Variants in RUNX1 observed in about 807,000 individuals in gnomAD.
The protein encoded by RUNX1 is runt-related transcription factor 1.
RUNX1 carries 19 observed loss-of-function variants against 42.8 expected under a neutral mutation model. The observed-to-expected ratio is 0.44, with a 90% confidence interval of 0.31 to 0.65. The LOEUF (loss-of-function observed/expected upper bound fraction) is 0.65. Among genes scored for constraint, RUNX1 ranks in the 30% least tolerant of loss-of-function variants. RUNX1 has a pLI of 0.07. For synonymous variants in RUNX1, 271 were observed against 289.4 expected (o/e 0.94, Z 0.64); for missense variants, 528 against 672.0 (o/e 0.79, Z 2.37).
intron 6 of RUNX1, among the ~76,000 whole-genome samples, chr21:34,858,869 TA>T (rs1371903730): frequency 2.3e-4 from 35 of 152,336 alleles, no homozygotes; most frequent in African/African-American, 8.2e-4. Context: ...CTCATTTTTT[TA>T]AAAGCTTCCC....
chr21:34,840,598 T>C (rs2057219629), intron 6 of RUNX1, among the ~76,000 whole-genome samples: 1 of 114,746 alleles, frequency 8.7e-6, no homozygotes, highest in Admixed American at 1.0e-4. Flanking sequence ...GTTTTCCCTT[T>C]TGTCTTTTTT....
chr21:34,817,282 T>C (rs1004215452), intron 7 of RUNX1, among the ~76,000 whole-genome samples: 2 of 152,166 alleles, frequency 1.3e-5, no homozygotes, highest in South Asian at 4.1e-4. Flanking sequence ...TCCTTTTGTT[T>C]CTCTGGGATT....
At position 34,792,509 on chromosome 21, in the gene RUNX1, G is replaced by A. The variant is rs375989348; in HGVS notation, c.1069C>T (p.Pro357Ser). 6.2e-7 allele frequency: 1 copy of A among 1,601,994 alleles called. No homozygotes were observed. The highest frequency in any genetic ancestry group is 8.5e-7 in the Non-Finnish European group (1 of 1,174,440). The change falls in exon 9 of 9, where the codon CCG becomes TCG. Residue 357 changes from proline to serine, a missense_variant. By Grantham distance (74) the Pro-to-Ser change is moderately conservative. Around this residue, in one of 3 missense-constraint regions of RUNX1, gnomAD observed 331 missense variants for 382.5 expected, o/e 0.87. Transcript: ENST00000675419. This position sits in a 1 kb window ranked among gnomAD's most constrained non-coding sequence, Gnocchi z 6.9. ...CCGATGCCCGAGGTGACCGGCGTCG[G>A]GGAGTAGGTGAAGGCGCCTGGATAG... ...MHYPGAFTYS[P>S]TPVTSGIGIG...
chr21:35,034,715 T>C (rs1043006949), intron 2 of RUNX1, among the ~76,000 whole-genome samples: 30 of 152,154 alleles, frequency 2.0e-4, no homozygotes, highest in African/African-American at 7.2e-4. Flanking sequence ...AATGATTCGG[T>C]TGCAAATGTC....
intron 2 of RUNX1, among the ~76,000 whole-genome samples, chr21:34,992,683 A>AG (rs2058953945): frequency 6.6e-6 from 1 of 151,662 alleles, no homozygotes; most frequent in African/African-American, 2.4e-5. Context: ...ATAAAAAAAA[A>AG]AAAAAGAAAA....
intron 2 of RUNX1, among the ~76,000 whole-genome samples, chr21:34,994,087 C>G (rs757314250): frequency 4.6e-5 from 7 of 152,288 alleles, no homozygotes; most frequent in Middle Eastern, 6.8e-3. Context: ...GGTCAGCCCC[C>G]TCTTAGTGAA....
At chr21:34,819,432 T>C (rs779893939) in intron 7 of RUNX1, among the ~76,000 whole-genome samples, 3 of 152,140 alleles carry the variant, frequency 2.0e-5, no homozygotes, top group Non-Finnish European at 4.4e-5. Context: ...ATAAGTTTCA[T>C]TGAGGAGGGA....
chr21:34,847,530 C>A (rs911864377), intron 6 of RUNX1, among the ~76,000 whole-genome samples: 8 of 151,930 alleles, frequency 5.3e-5, no homozygotes, highest in Admixed American at 5.2e-4. Flanking sequence ...ATCTAATTGA[C>A]AGACTACTTA....
chr21:35,013,903 AG>A (rs1268896840), intron 2 of RUNX1, among the ~76,000 whole-genome samples: 1 of 152,254 alleles, frequency 6.6e-6, no homozygotes, highest in Non-Finnish European at 1.5e-5. Flanking sequence ...GTGATATTTT[AG>A]AAGAATTTTT....
intron 2 of RUNX1, 81 bp downstream of exon 2, chr21:35,048,761 G>T: frequency 1.7e-6 from 2 of 1,191,964 alleles, no homozygotes; most frequent in Non-Finnish European, 2.5e-6. Flanking sequence ...AGGCATCTCT[G>T]CACCGAGGTG....
intron 6 of RUNX1, among the ~76,000 whole-genome samples, chr21:34,853,539 G>A (rs558225701): frequency 1.2e-4 from 19 of 152,252 alleles, no homozygotes; most frequent in Admixed American, 3.9e-4. Flanking sequence ...TACTAGTTGC[G>A]TGACTTTGGG....
At chr21:34,794,797 G>A (rs1436858720) in intron 8 of RUNX1, among the ~76,000 whole-genome samples, 1 of 152,204 alleles carries the variant, frequency 6.6e-6, no homozygotes, top group Non-Finnish European at 1.5e-5. Flanking sequence ...CTGGGGTGGA[G>A]GGGGCTGTCT....
chr21:34,809,244 C>G lies in RUNX1; in HGVS notation c.806-9782G>C, dbSNP rs571781782. 3.8e-4 allele frequency among the ~76,000 whole-genome samples: 58 copies of G among 152,136 alleles called. 1 individual carries two copies. The highest frequency in any genetic ancestry group is 1.4e-3 in the African/African-American group (58 of 41,498). ...TTTCCTTCCACTCCTCCATGTCCTTCTTCTCCAGGAGGGTAAAGACAACTT... is the reference window on the plus strand; with the variant it reads ...TTTCCTTCCACTCCTCCATGTCCTTGTTCTCCAGGAGGGTAAAGACAACTT... On this transcript the variant is annotated intron_variant, in intron 7 of 8. Transcript: ENST00000675419.
rs2056409885 is a variant in RUNX1, at chr21:34,789,540, TAA to T, written c.*2593_*2594del. 1 of 233,484 alleles carries T rather than the reference TAA, an allele frequency of 4.3e-6. No homozygotes were observed. The highest frequency in any genetic ancestry group is 2.2e-5 in the African/African-American group (1 of 45,280). 14.5% of individuals were successfully genotyped at this position (233,484 alleles called of 1,614,324 possible). On this transcript the variant is annotated 3_prime_UTR_variant, in exon 9 of 9. Transcript: ENST00000675419. ...CCTTAACTTTCCTGAGGGCAATGAATAAAAAGATACCTTAATCTACCTGAAGT... is the reference window on the plus strand; with the variant it reads ...CCTTAACTTTCCTGAGGGCAATGAATAAAGATACCTTAATCTACCTGAAGT...
intron 6 of RUNX1, among the ~76,000 whole-genome samples, chr21:34,835,204 C>T (rs575400963): frequency 4.3e-4 from 66 of 152,246 alleles, no homozygotes; most frequent in African/African-American, 1.5e-3. Context: ...CTCTCCCTCT[C>T]CCTCTCCTCA....
intron 2 of RUNX1, among the ~76,000 whole-genome samples, chr21:34,976,623 G>T (rs1321226054): frequency 1.3e-5 from 2 of 152,172 alleles, no homozygotes; most frequent in Non-Finnish European, 2.9e-5. Flanking sequence ...GTCACAGAAG[G>T]GAGGACGGAT....
Position 34,925,751 on chromosome 21 carries a change from C to T in RUNX1, c.59-32788G>A, listed in dbSNP as rs569087083. Among the ~76,000 whole-genome samples the T allele has an allele frequency of 1.3e-4, 20 of 152,194 alleles. No homozygotes were observed. In the South Asian group the frequency reaches 3.9e-3, roughly 30 times the overall value. ...AATACAGCTAATTATATTGTAAGAT[C>T]CTTAGAGGTAGAAAAATGATGAAAT... On this transcript the variant is annotated intron_variant, in intron 2 of 8. Coordinates refer to ENST00000675419, the MANE Select transcript of RUNX1 (RefSeq NM_001754.5).
At chr21:34,974,642 G>A (rs772014658) in intron 2 of RUNX1, among the ~76,000 whole-genome samples, 8 of 151,628 alleles carry the variant, frequency 5.3e-5, no homozygotes, top group Non-Finnish European at 8.8e-5. Flanking sequence ...CACCAGCTTT[G>A]TGATGCCAAC....
chr21:34,822,132 G>C (rs1213633616), intron 7 of RUNX1, among the ~76,000 whole-genome samples: 20 of 152,208 alleles, frequency 1.3e-4, no homozygotes, highest in Non-Finnish European at 2.5e-4. Flanking sequence ...GCAGTATCCA[G>C]AATGACAGAA....
Sources: allele counts gnomAD v4.1 joint callset (sites outside exome capture counted in the v4.1 genomes callset), GRCh38; gene constraint gnomAD v4.1.1; regional missense constraint gnomAD v4.1.1; non-coding constraint Gnocchi (gnomAD v3.1); transcripts MANE v1.5; gene names NCBI Gene and HGNC (gene_info 2026-07-23, HGNC 2026-07-21).